The following AGO1 variants were observed in gnomAD, a reference collection of about 807,000 sequenced individuals.
AGO1 encodes the protein argonaute RISC component 1.
A neutral mutation model predicts 109.2 loss-of-function variants in AGO1; 11 were observed. The ratio of observed to expected loss-of-function variants is 0.10; its 90% CI spans 0.06 to 0.17. The LOEUF (loss-of-function observed/expected upper bound fraction) is 0.17. AGO1 is among the 10% of genes least tolerant of loss of function. The probability of loss-of-function intolerance (pLI) is 1.00; values close to 1 mark genes in which losing one functional copy is unlikely to be tolerated. For missense variants in AGO1, 574 were observed against 1,140.3 expected, an observed-to-expected ratio of 0.50 and a Z score of 7.15; for synonymous variants, 422 against 418.6, an observed-to-expected ratio of 1.01 and a Z score of -0.10.
chr1:35,912,187 C>G (rs1009771924), intron 12 of AGO1, among the ~76,000 whole-genome samples: 1 of 151,940 alleles, frequency 6.6e-6, no homozygotes, highest in Non-Finnish European at 1.5e-5. Context: ...GAAACCCCAT[C>G]TCTACTAAAA....
At chr1:35,882,738 G>T (rs1005336054), upstream of AGO1, 4 of 889,894 alleles carry the variant, frequency 4.5e-6, no homozygotes, top group Non-Finnish European at 5.4e-6. This position sits in a 1 kb window ranked among gnomAD's most constrained non-coding sequence, Gnocchi z 5.1. Context: ...GGTGGCGTCA[G>T]TGAGTTCAGT....
intron 1 of AGO1, among the ~76,000 whole-genome samples, chr1:35,877,961 G>A (rs910243947): frequency 7.2e-5 from 11 of 151,938 alleles, no homozygotes; most frequent in African/African-American, 2.7e-4. Context: ...AAAGTGCTGG[G>A]ATTACAGGGG....
chr1:35,915,282 A>G, intron 14 of AGO1, 66 bp from the exon 15 acceptor site: 1 of 1,478,794 alleles, frequency 6.8e-7, no homozygotes, highest in South Asian at 1.2e-5. Context: ...AAGCCTTTCC[A>G]CAAACCCATA....
chr1:35,916,231 A>C (rs761270984), intron 15 of AGO1, among the ~76,000 whole-genome samples: 1 of 151,878 alleles, frequency 6.6e-6, no homozygotes, highest in African/African-American at 2.4e-5. Context: ...GTGTATTTCC[A>C]TTTAACAGAT....
intron 1 of AGO1, among the ~76,000 whole-genome samples, chr1:35,876,060 A>T (rs1644989784): frequency 6.6e-6 from 1 of 152,206 alleles, no homozygotes; most frequent in Non-Finnish European, 1.5e-5. Context: ...TCCAAATATC[A>T]ACAAAAATAA....
At position 35,883,596 on chromosome 1, in the gene AGO1, G is replaced by T; in HGVS notation, c.25+150G>T. 2.4e-6 allele frequency: 3 copies of T among 1,253,946 alleles called. No homozygotes were observed. The highest frequency in any genetic ancestry group is 3.1e-5 in the East Asian group (1 of 32,254). 77.7% of individuals were successfully genotyped at this position (1,253,946 alleles called of 1,614,324 possible). On this transcript the variant is annotated intron_variant, in intron 1 of 18. Coordinates refer to ENST00000373204, the MANE Select transcript of AGO1 (RefSeq NM_012199.5). This position sits in a 1 kb window ranked among gnomAD's most constrained non-coding sequence, Gnocchi z 5.4. Reference sequence around the variant, plus strand: ...CCCAGTTTGAAGGAGGCTGTGTGCAGTTCCGGGGGAGAACCATGTGAAGAG... The same window carrying T: ...CCCAGTTTGAAGGAGGCTGTGTGCATTTCCGGGGGAGAACCATGTGAAGAG...
At position 35,894,315 on chromosome 1, in the gene AGO1, G is replaced by C. The variant is rs770562881; in HGVS notation, c.785G>C (p.Gly262Ala). ...QRVRFTKEIK[G>A]LKVEVTHCGQ... Reference sequence around the variant, plus strand: ...CTGACAAGCAGTGTGTGTATCTCAGGCCTGAAGGTGGAAGTCACCCACTGT... The same window carrying C: ...CTGACAAGCAGTGTGTGTATCTCAGCCCTGAAGGTGGAAGTCACCCACTGT... The change falls in exon 7 of 19, where the codon GGC becomes GCC. Residue 262 changes from glycine to alanine, a missense_variant and splice_region_variant. Gly to Ala is a moderately conservative substitution (Grantham distance 60). This residue lies in a region of AGO1 where 129 missense variants were observed against 243.0 expected (regional missense o/e 0.53). Transcript: ENST00000373204. The C allele has an allele frequency of 1.2e-6, 2 of 1,614,166 alleles. No individual in the cohort carries two copies. The highest frequency in any genetic ancestry group is 1.7e-6 in the Non-Finnish European group (2 of 1,180,018).
At chr1:35,891,010 C>T (rs1466986898) in intron 2 of AGO1, among the ~76,000 whole-genome samples, 1 of 152,114 alleles carries the variant, frequency 6.6e-6, no homozygotes, top group Non-Finnish European at 1.5e-5. Flanking sequence ...GGTGGCCTTG[C>T]GTACTATCCT....
At chr1:35,913,018 C>CTT (rs879356923) in intron 12 of AGO1, among the ~76,000 whole-genome samples, 4 of 145,702 alleles carry the variant, frequency 2.7e-5, no homozygotes, top group South Asian at 2.2e-4. Context: ...ACTCACCCAT[C>CTT]TTTTTTTTTT....
chr1:35,875,388 T>A (rs1484046976), intron 1 of AGO1, among the ~76,000 whole-genome samples: 1 of 152,174 alleles, frequency 6.6e-6, no homozygotes, highest in Non-Finnish European at 1.5e-5. Flanking sequence ...AGCACATTTT[T>A]TTTTTTTTAC....
At position 35,901,669 on chromosome 1, in the gene AGO1, T is replaced by G. The variant is rs1645418626; in HGVS notation, c.1140+76T>G. 1 of 1,602,718 alleles carries G rather than the reference T, an allele frequency of 6.2e-7. No homozygotes were observed. The highest frequency in any genetic ancestry group is 1.3e-5 in the African/African-American group (1 of 74,730). ...ATGTTTTAATGCCCCAGCAGGACCT[T>G]CCTTCAGGAGAACCCAAGTCTAGAT... On this transcript the variant is annotated intron_variant, in intron 9 of 18. Coordinates refer to ENST00000373204, the MANE Select transcript of AGO1 (RefSeq NM_012199.5). This position sits in a 1 kb window ranked among gnomAD's most constrained non-coding sequence, Gnocchi z 4.8.
At chr1:35,880,848 T>C (rs1484949433), upstream of AGO1, among the ~76,000 whole-genome samples, 1 of 152,064 alleles carries the variant, frequency 6.6e-6, no homozygotes, top group Non-Finnish European at 1.5e-5. Context: ...TTAGTGTAGA[T>C]GGGGTTTCAC....
chr1:35,908,999 G>A (rs932087920), intron 12 of AGO1, among the ~76,000 whole-genome samples: 1 of 151,836 alleles, frequency 6.6e-6, no homozygotes, highest in Admixed American at 6.6e-5. Context: ...TATATTTTTA[G>A]TACAGATGGA....
chr1:35,927,087 A>G lies in AGO1; in HGVS notation c.*7480A>G, dbSNP rs1052981048. The stretch of plus-strand genomic sequence containing the variant: ...TGGGAACTTTTAGCCAGGTTTTTGG[A>G]AAAGGCCTGTGGGCTATTAATGAGA... On this transcript the variant is annotated 3_prime_UTR_variant, in exon 19 of 19. Coordinates refer to ENST00000373204, the MANE Select transcript of AGO1 (RefSeq NM_012199.5). The G allele has an allele frequency of 6.6e-6, 1 of 151,876 alleles. No individual in the cohort carries two copies. The highest frequency in any genetic ancestry group is 1.5e-5 in the Non-Finnish European group (1 of 67,982). The allele number at this position is 151,876 out of a possible 1,614,324, so 9.4% of individuals were successfully genotyped here.
At chr1:35,904,405 T>A (rs181910913) in intron 11 of AGO1, among the ~76,000 whole-genome samples, 33 of 152,314 alleles carry the variant, frequency 2.2e-4, no homozygotes, top group Admixed American at 6.5e-4. Context: ...GTGCCTGGCC[T>A]TTTTCTGAGT....
Position 35,918,473 on chromosome 1 carries a change from A to G in AGO1, c.2265+50A>G, listed in dbSNP as rs374349134. 244 of 1,359,484 alleles carry G rather than the reference A, an allele frequency of 1.8e-4. 1 individual carries two copies. The highest frequency in any genetic ancestry group is 9.2e-4 in the South Asian group (79 of 86,060). 84.2% of individuals were successfully genotyped at this position (1,359,484 alleles called of 1,614,324 possible). A position where few individuals can be genotyped will look rare whatever the true frequency, so the allele number is the denominator to read the frequency against. On this transcript the variant is annotated intron_variant, in intron 17 of 18. Coordinates refer to ENST00000373204, the MANE Select transcript of AGO1 (RefSeq NM_012199.5). ...CCAATGGGTCAAAGATGAGTTGTTC[A>G]TTCATATTGCCTCTAGAATGTATCA...
chr1:35,907,805 A>T (rs1291993506), intron 12 of AGO1, among the ~76,000 whole-genome samples: 2 of 152,036 alleles, frequency 1.3e-5, no homozygotes, highest in Non-Finnish European at 2.9e-5. Context: ...CATCTCTTTT[A>T]GCTTTTGTCT....
At chr1:35,916,474 T>A (rs934937168) in intron 15 of AGO1, among the ~76,000 whole-genome samples, 2 of 152,154 alleles carry the variant, frequency 1.3e-5, no homozygotes, top group Non-Finnish European at 2.9e-5. Flanking sequence ...CTCAAGCGAT[T>A]CTCTTTCCTC....
At chr1:35,876,301 C>G (rs1557597872) in intron 1 of AGO1, among the ~76,000 whole-genome samples, 1 of 150,090 alleles carries the variant, frequency 6.7e-6, no homozygotes, top group Admixed American at 6.6e-5. Flanking sequence ...GAGTCTCACT[C>G]TGTTGCCCAG....
Sources: gnomAD v4.1 joint callset for allele counts (sites outside exome capture counted in the v4.1 genomes callset) on GRCh38, gnomAD v4.1.1 for gene constraint, gnomAD v4.1.1 regional missense constraint, Gnocchi (gnomAD v3.1) non-coding constraint, MANE v1.5 for transcripts, NCBI Gene and HGNC (gene_info 2026-07-23, HGNC 2026-07-21) for gene names.